Variants in BPNT1 observed in about 807,000 individuals in gnomAD.
BPNT1 encodes the protein 3'(2'),5'-bisphosphate nucleotidase 1.
A neutral mutation model predicts 36.9 loss-of-function variants in BPNT1; 28 were observed. The observed-to-expected ratio is 0.76, with a 90% CI of 0.56 to 1.04. BPNT1 has a LOEUF of 1.04. Among genes scored for constraint, BPNT1 ranks in the 50% least tolerant of loss-of-function variants. The pLI is 0.00. For synonymous variants in BPNT1, 119 were observed against 130.9 expected (o/e 0.91, Z 0.62); for missense variants, 313 against 372.9 (o/e 0.84, Z 1.32).
intron 1 of BPNT1, among the ~76,000 whole-genome samples, chr1:220,087,412 G>A (rs902805405): frequency 4.0e-5 from 6 of 151,882 alleles, no homozygotes; most frequent in Non-Finnish European, 2.9e-5. Context: ...AAAATTAGCC[G>A]GGCTTGGTGG....
chr1:220,082,063 A>AATATATAT (rs369837553), intron 1 of BPNT1, among the ~76,000 whole-genome samples: 38 of 110,394 alleles, frequency 3.4e-4, no homozygotes, highest in South Asian at 6.5e-4. Context: ...TTCCAAGGAC[A>AATATATAT]ATATATATAT....
intron 1 of BPNT1, among the ~76,000 whole-genome samples, chr1:220,081,542 C>CAA (rs961741061): frequency 1.5e-5 from 2 of 135,452 alleles, no homozygotes; most frequent in Non-Finnish European, 1.6e-5. Context: ...GAGTCCGTCT[C>CAA]AAAAAAAAAA....
At chr1:220,074,171 G>C in intron 2 of BPNT1, 100 bp from the exon 3 acceptor site, 1 of 1,040,748 alleles carries the variant, frequency 9.6e-7, no homozygotes, top group Non-Finnish European at 1.4e-6. Flanking sequence ...TACACTGTCA[G>C]TTTTTAGAGT....
At chr1:220,061,961 G>A (rs1355324681) in intron 7 of BPNT1, among the ~76,000 whole-genome samples, 2 of 151,648 alleles carry the variant, frequency 1.3e-5, no homozygotes, top group Non-Finnish European at 2.9e-5. Flanking sequence ...ATCTAAGAGG[G>A]TCCTTGGGAA....
chr1:220,079,967 A>G (rs897997627), intron 1 of BPNT1, 113 bp from the exon 2 acceptor site: 1 of 1,091,804 alleles, frequency 9.2e-7, no homozygotes, highest in Admixed American at 3.1e-5. Context: ...GATTGCTCCC[A>G]TTAACTGAGT....
intron 4 of BPNT1, among the ~76,000 whole-genome samples, chr1:220,071,072 G>C (rs1361016988): frequency 6.6e-6 from 1 of 151,742 alleles, no homozygotes; most frequent in Non-Finnish European, 1.5e-5. Context: ...GGGAGGCGGA[G>C]GTTGGTCTCG....
At chr1:220,085,183 T>A (rs1655601333) in intron 1 of BPNT1, among the ~76,000 whole-genome samples, 1 of 152,190 alleles carries the variant, frequency 6.6e-6, no homozygotes, top group South Asian at 2.1e-4. Flanking sequence ...ACAGTGAGAT[T>A]TACCTTTTGA....
chr1:220,079,105 A>T (rs1664871904), intron 2 of BPNT1, among the ~76,000 whole-genome samples: 2 of 152,182 alleles, frequency 1.3e-5, no homozygotes, highest in South Asian at 4.1e-4. Context: ...TTTACCGAAC[A>T]TGTTGAGTTC....
intron 1 of BPNT1, among the ~76,000 whole-genome samples, chr1:220,082,463 G>T (rs1655271376): frequency 6.6e-6 from 1 of 151,704 alleles, no homozygotes; most frequent in Non-Finnish European, 1.5e-5. Context: ...TTACATGCCT[G>T]AGCCACCACG....
chr1:220,066,581 T>C (rs1006172490), intron 6 of BPNT1, among the ~76,000 whole-genome samples: 5 of 152,210 alleles, frequency 3.3e-5, no homozygotes, highest in African/African-American at 1.2e-4. Context: ...CACATTAATA[T>C]AAATACCTTA....
chr1:220,085,575 G>C (rs571710998), intron 1 of BPNT1, among the ~76,000 whole-genome samples: 1 of 152,258 alleles, frequency 6.6e-6, no homozygotes, highest in African/African-American at 2.4e-5. Flanking sequence ...AATAATACTG[G>C]CTAACCATTA....
chr1:220,071,577 T>C (rs1399181394), intron 4 of BPNT1, among the ~76,000 whole-genome samples: 1 of 152,180 alleles, frequency 6.6e-6, no homozygotes, highest in African/African-American at 2.4e-5. Flanking sequence ...CACTTCCCAA[T>C]TGCAAAACTT....
rs539820488 is a variant in BPNT1 at position 220,083,236 on chromosome 1, C to CAA, written c.-8-3384_-8-3383dup. 3.7e-4 allele frequency among the ~76,000 whole-genome samples: 42 copies of CAA among 112,436 alleles called. 1 individual carries two copies. The South Asian group carries it at 6.8e-3, about 18-fold the overall frequency. 73.8% of individuals were successfully genotyped at this position (112,436 alleles called of 152,430 possible). On this transcript the variant is annotated intron_variant, in intron 1 of 8. Coordinates refer to ENST00000322067, the MANE Select transcript of BPNT1 (RefSeq NM_006085.6). ...TGGGCGACAGAGCAAGACTCCATCT[C>CAA]AAAAAAAAAAAAAAGAAATTTATGT...
At position 220,069,445 on chromosome 1, in the gene BPNT1, A is replaced by C. The variant is rs1190727722; in HGVS notation, c.334-13T>G. The stretch of plus-strand genomic sequence containing the variant: ...CCCAGACCACGAGCTAAAATTAAAA[A>C]GAGAGAAGGAAAATATCTAAATCAA... On this transcript the variant is annotated splice_polypyrimidine_tract_variant and intron_variant, in intron 4 of 8. Transcript: ENST00000322067. 6.3e-7 allele frequency: 1 copy of C among 1,596,802 alleles called. No individual in the cohort carries two copies. Among genetic ancestry groups the C allele is most frequent in the Non-Finnish European group, 8.5e-7 (1 of 1,171,282 alleles).
intron 6 of BPNT1, 22 bp from the exon 7 acceptor site, chr1:220,062,976 C>T: frequency 1.9e-6 from 3 of 1,610,998 alleles, no homozygotes; most frequent in Non-Finnish European, 2.5e-6. Context: ...AGTGAAACAA[C>T]AAGACTTGTG....
intron 4 of BPNT1, among the ~76,000 whole-genome samples, chr1:220,071,458 T>C (rs917928864): frequency 6.6e-6 from 1 of 152,148 alleles, no homozygotes; most frequent in African/African-American, 2.4e-5. Context: ...TAGATTTTCT[T>C]CCTAAAAGTA....
At chr1:220,087,426 G>A (rs1370749621) in intron 1 of BPNT1, among the ~76,000 whole-genome samples, 7 of 151,928 alleles carry the variant, frequency 4.6e-5, no homozygotes, top group African/African-American at 1.5e-4. Context: ...TTGGTGGCAC[G>A]CGCCTGTAAT....
intron 7 of BPNT1, among the ~76,000 whole-genome samples, chr1:220,061,671 T>C (rs1021886737): frequency 1.3e-5 from 2 of 151,824 alleles, no homozygotes; most frequent in South Asian, 2.1e-4. Context: ...GTGCCATTAG[T>C]GGGATAGTAA....
At position 220,074,066 on chromosome 1, in the gene BPNT1, A is replaced by C; in HGVS notation, c.126T>G (p.Cys42Trp). Reference protein sequence around the residue: ...EGDLGIVEKTCATDLQTKADR... With the variant: ...EGDLGIVEKTWATDLQTKADR... ...CAGCTTTGGTCTGCAGGTCTGTTGCACAGGTCTGTAATAAAGAATGCAAAT... is the reference window on the plus strand; with the variant it reads ...CAGCTTTGGTCTGCAGGTCTGTTGCCCAGGTCTGTAATAAAGAATGCAAAT... The change falls in exon 3 of 9, where the codon TGT (cysteine) becomes TGG (tryptophan). Residue 42 changes from cysteine (C) to tryptophan (W), a missense_variant. Cys to Trp is a radical substitution (Grantham distance 215). Transcript: ENST00000322067. 1 of 1,613,294 alleles carries C rather than the reference A, an allele frequency of 6.2e-7. No individual in the cohort carries two copies. The highest frequency in any genetic ancestry group is 8.5e-7 in the Non-Finnish European group (1 of 1,179,840).
Sources: gnomAD v4.1 joint callset for allele counts (sites outside exome capture counted in the v4.1 genomes callset) on GRCh38, gnomAD v4.1.1 for gene constraint, MANE v1.5 for transcripts, NCBI Gene and HGNC (gene_info 2026-07-23, HGNC 2026-07-21) for gene names.